The following BRSK2 variants were observed in gnomAD, a reference collection of about 807,000 sequenced individuals.
The protein encoded by BRSK2 is serine/threonine-protein kinase BRSK2.
In BRSK2, 19 loss-of-function variants were observed where a neutral mutation model predicts 83.3. The observed-to-expected ratio is 0.23, with a 90% CI of 0.16 to 0.33. The LOEUF is 0.33. Among genes scored for constraint, BRSK2 ranks in the 10% least tolerant of loss-of-function variants. BRSK2 has a pLI of 1.00. For synonymous variants in BRSK2, 519 were observed against 435.4 expected, an observed-to-expected ratio of 1.19 and a Z score of -2.39; for missense variants, 798 against 1,042.3, an observed-to-expected ratio of 0.77 and a Z score of 3.23.
intron 1 of BRSK2, among the ~76,000 whole-genome samples, chr11:1,407,789 C>T (rs553508020): frequency 2.0e-5 from 3 of 152,368 alleles, no homozygotes; most frequent in African/African-American, 4.8e-5. Flanking sequence ...TGGGTCCCGC[C>T]GCCTCCAGGC....
intron 3 of BRSK2, among the ~76,000 whole-genome samples, chr11:1,439,357 G>T (rs1337657556): frequency 6.6e-6 from 1 of 152,138 alleles, no homozygotes. Flanking sequence ...TTGGGGTGTG[G>T]GGAGCCCGCC....
intron 19 of BRSK2, among the ~76,000 whole-genome samples, chr11:1,459,640 G>A (rs979403134): frequency 1.3e-5 from 2 of 152,246 alleles, no homozygotes; most frequent in African/African-American, 4.8e-5. Context: ...TCAGGGCTCA[G>A]GTGGGGGTTA....
At chr11:1,451,854 C>A (rs760750112) in intron 15 of BRSK2, among the ~76,000 whole-genome samples, 1 of 152,152 alleles carries the variant, frequency 6.6e-6, no homozygotes, top group Non-Finnish European at 1.5e-5. Flanking sequence ...CTGGCCCCGC[C>A]GCCTTTCTGA....
At chr11:1,456,802 G>A (rs965452267) in intron 18 of BRSK2, 115 bp downstream of exon 18, 24 of 1,321,214 alleles carry the variant, frequency 1.8e-5, no homozygotes, top group African/African-American at 2.9e-5. Flanking sequence ...CCCTCTTGAC[G>A]GACGCCCCCA....
intron 16 of BRSK2, among the ~76,000 whole-genome samples, chr11:1,455,752 C>G (rs1164504544): frequency 6.6e-6 from 1 of 152,128 alleles, no homozygotes; most frequent in Non-Finnish European, 1.5e-5. Context: ...CTCAGCCCCT[C>G]CCCATGCCGG....
Position 1,436,145 on chromosome 11 carries a change from C to G in BRSK2, c.186+11C>G. Reference sequence around the variant, plus strand: ...TCGGTGCTGATGAAGGTGGGTGGGGCCGGGGAGGGAGGCGGGGCCGGCGGT... The same window carrying G: ...TCGGTGCTGATGAAGGTGGGTGGGGGCGGGGAGGGAGGCGGGGCCGGCGGT... On this transcript the variant is annotated intron_variant, in intron 2 of 19. Coordinates refer to ENST00000528841, the MANE Select transcript of BRSK2 (RefSeq NM_001256627.2). 2.0e-5 allele frequency: 4 copies of G among 196,978 alleles called. No homozygotes were observed. The highest frequency in any genetic ancestry group is 1.6e-4 in the East Asian group (1 of 6,328). 12.2% of individuals were successfully genotyped at this position (196,978 alleles called of 1,614,324 possible).
chr11:1,411,193 A>T, intron 1 of BRSK2: 2 of 1,235,026 alleles, frequency 1.6e-6, no homozygotes, highest in Non-Finnish European at 2.0e-6. Context: ...TCACTGAGCC[A>T]GCCTTGCTGA....
chr11:1,414,767 G>A (rs551293859), intron 1 of BRSK2, among the ~76,000 whole-genome samples: 8 of 152,134 alleles, frequency 5.3e-5, no homozygotes, highest in African/African-American at 1.9e-4. Flanking sequence ...CCGTGGGAGC[G>A]TGGCCTGCCT....
chr11:1,449,399 T>A (rs1272431903), intron 12 of BRSK2, among the ~76,000 whole-genome samples: 1 of 152,208 alleles, frequency 6.6e-6, no homozygotes. Context: ...GGTGGGAGGC[T>A]GGAGCCAGCA....
intron 1 of BRSK2, among the ~76,000 whole-genome samples, chr11:1,402,482 A>ATC (rs1846546092): frequency 6.6e-6 from 1 of 152,112 alleles, no homozygotes. Context: ...TCCGGGGAGG[A>ATC]GCATTGCAAA....
chr11:1,456,863 C>G, intron 18 of BRSK2, 176 bp downstream of exon 18: 1 of 1,454,418 alleles, frequency 6.9e-7, no homozygotes, highest in Non-Finnish European at 9.3e-7. Context: ...GAGCCCCTCC[C>G]TGGCCTGGCG....
rs559392580 is a variant in BRSK2, at chr11:1,451,296, G to C, written c.1496-75G>C. Reference sequence around the variant, plus strand: ...GTGGACTCCTGATGACCCTGACCTCGGCGCAAGGTGGCCAGGGCAGGGGAA... The same window carrying C: ...GTGGACTCCTGATGACCCTGACCTCCGCGCAAGGTGGCCAGGGCAGGGGAA... On this transcript the variant is annotated intron_variant, in intron 14 of 19. Coordinates refer to ENST00000528841, the MANE Select transcript of BRSK2 (RefSeq NM_001256627.2). The C allele has an allele frequency of 3.2e-6, 5 of 1,564,818 alleles. No homozygotes were observed. In the Admixed American group the frequency reaches 6.7e-5, roughly 21 times the overall value.
chr11:1,391,844 C>G (rs562622593), intron 1 of BRSK2, among the ~76,000 whole-genome samples: 6 of 152,190 alleles, frequency 3.9e-5, no homozygotes, highest in East Asian at 1.9e-4. Flanking sequence ...AATGAAGACA[C>G]GATGAGTTAT....
intron 1 of BRSK2, among the ~76,000 whole-genome samples, chr11:1,395,121 G>A (rs1386522790): frequency 6.6e-6 from 1 of 152,200 alleles, no homozygotes; most frequent in Non-Finnish European, 1.5e-5. Flanking sequence ...CGAGACCCCA[G>A]GAATTCTGTG....
chr11:1,460,404 C>A, intron 19 of BRSK2, 96 bp from the exon 20 acceptor site: 1 of 912,270 alleles, frequency 1.1e-6, no homozygotes, highest in Non-Finnish European at 1.5e-6. Flanking sequence ...TTTGTTTGTT[C>A]TCTTTCTCTC....
intron 1 of BRSK2, 21 bp from the exon 2 acceptor site, chr11:1,436,019 G>T: frequency 6.3e-7 from 1 of 1,586,866 alleles, no homozygotes; most frequent in Non-Finnish European, 8.6e-7. Context: ...GGGTCTGAGC[G>T]CGGCTGCTTC....
chr11:1,462,644 G>A lies in BRSK2; in HGVS notation c.*1921G>A, dbSNP rs1348415943. 1 of 152,332 alleles carries A rather than the reference G, an allele frequency of 6.6e-6. No homozygotes were observed. The highest frequency in any genetic ancestry group is 2.4e-5 in the African/African-American group (1 of 41,478). The allele number at this position is 152,332 out of a possible 1,614,324, so 9.4% of individuals were successfully genotyped here. A position where few individuals can be genotyped will look rare whatever the true frequency, so the allele number is the denominator to read the frequency against. On this transcript the variant is annotated 3_prime_UTR_variant, in exon 20 of 20. Coordinates refer to ENST00000528841, the MANE Select transcript of BRSK2 (RefSeq NM_001256627.2). ...CCTGCAGTGTACCCCTGTCATAACT[G>A]TGAGCAGCTGCAGCTCCGGAACAAT...
chr11:1,424,737 C>CG (rs113753237), intron 1 of BRSK2, among the ~76,000 whole-genome samples: 52,658 of 151,114 alleles, frequency 0.35, 10,059 homozygotes, highest in African/African-American at 0.48. Context: ...CAGAGGGAGT[C>CG]GGGGGGGCCA....
At chr11:1,444,760 C>T (rs1021227467) in intron 8 of BRSK2, among the ~76,000 whole-genome samples, 6 of 151,834 alleles carry the variant, frequency 4.0e-5, no homozygotes, top group Admixed American at 6.6e-5. Flanking sequence ...TTCTTCTCCA[C>T]TTGGGAGAGG....
Sources: allele counts gnomAD v4.1 joint callset (sites outside exome capture counted in the v4.1 genomes callset), GRCh38; gene constraint gnomAD v4.1.1; transcripts MANE v1.5; gene names NCBI Gene and HGNC (gene_info 2026-07-23, HGNC 2026-07-21).